The following MAPT variants were observed in gnomAD, a reference collection of about 807,000 sequenced individuals.
MAPT encodes microtubule associated protein tau, also known as microtubule-associated protein tau.
In MAPT, 34 loss-of-function variants were observed where a neutral mutation model predicts 67.9. The ratio of observed to expected loss-of-function variants is 0.50; its 90% confidence interval spans 0.38 to 0.67. The LOEUF is 0.67. Among genes scored for constraint, MAPT ranks in the 30% least tolerant of loss-of-function variants. MAPT has a pLI of 0.00. For synonymous variants in MAPT, 456 were observed against 464.5 expected (o/e 0.98, Z 0.23); for missense variants, 881 against 1,115.2 (o/e 0.79, Z 2.99).
chr17:45,999,374 C>T (rs531820946), intron 9 of MAPT: 3 of 1,614,060 alleles, frequency 1.9e-6, no homozygotes, highest in Admixed American at 3.3e-5. Context: ...GTTAATTTAA[C>T]TCAGCCTCTG....
At chr17:45,937,470 A>G (rs2067440756) in intron 1 of MAPT, among the ~76,000 whole-genome samples, 1 of 152,060 alleles carries the variant, frequency 6.6e-6, no homozygotes, top group South Asian at 2.1e-4. Flanking sequence ...GGGCACCTGT[A>G]GTCCTAGCTA....
chr17:45,990,170 T>G, intron 7 of MAPT, 95 bp downstream of exon 7: 1 of 1,119,426 alleles, frequency 8.9e-7, no homozygotes, highest in East Asian at 2.4e-5. Flanking sequence ...AAGACCTTTC[T>G]TCAAATGAGT....
Position 46,010,638 on chromosome 17 carries a change from C to T in MAPT, c.2091+236C>T, listed in dbSNP as rs1355540851. 6.6e-6 allele frequency among the ~76,000 whole-genome samples: 1 copy of T among 152,192 alleles called. No individual in the cohort carries two copies. Among genetic ancestry groups the T allele is most frequent in the African/African-American group, 2.4e-5 (1 of 41,456 alleles). On this transcript the variant is annotated intron_variant, in intron 10 of 12. Transcript: ENST00000262410. This position sits in a 1 kb window ranked among gnomAD's most constrained non-coding sequence, Gnocchi z 4.7. ...GGGGTGTCCCAGCATTTCTGGGTCC[C>T]CCAGCCTGCGCAGGCTGTGTGGACA...
chr17:45,937,615 G>T (rs62061723), intron 1 of MAPT, among the ~76,000 whole-genome samples: 21,239 of 148,094 alleles, frequency 0.14, 2,074 homozygotes, highest in Non-Finnish European at 0.22. Context: ...AAAAAAGAAA[G>T]GAGAGAGAGA....
chr17:45,990,685 A>AT (rs1260114129), intron 7 of MAPT, among the ~76,000 whole-genome samples: 2 of 152,156 alleles, frequency 1.3e-5, no homozygotes, highest in Admixed American at 6.5e-5. Context: ...ATGCTTCCAG[A>AT]TTGCCCTGAT....
At position 45,996,743 on chromosome 17, in the gene MAPT, G is replaced by A; in HGVS notation, c.1998+79G>A. The A allele has an allele frequency of 6.4e-7, 1 of 1,568,856 alleles. No individual in the cohort carries two copies. The highest frequency in any genetic ancestry group is 8.6e-7 in the Non-Finnish European group (1 of 1,156,430). On this transcript the variant is annotated intron_variant, in intron 9 of 12. Transcript: ENST00000262410. This position sits in a 1 kb window ranked among gnomAD's most constrained non-coding sequence, Gnocchi z 4.5. Reference sequence around the variant, plus strand: ...GGGCTGTGCCTGGAAGGGTAGGGCTGCGCCTGGAGGTGCGCGGTTGAGCGT... The same window carrying A: ...GGGCTGTGCCTGGAAGGGTAGGGCTACGCCTGGAGGTGCGCGGTTGAGCGT...
chr17:45,987,856 A>G (rs2073715515), intron 6 of MAPT, among the ~76,000 whole-genome samples: 2 of 152,214 alleles, frequency 1.3e-5, no homozygotes, highest in Admixed American at 1.3e-4. Context: ...CTCTGAAGTG[A>G]TAGTGACAGC....
chr17:45,940,714 C>A (rs555614814), intron 1 of MAPT, among the ~76,000 whole-genome samples: 1 of 152,086 alleles, frequency 6.6e-6, no homozygotes, highest in Non-Finnish European at 1.5e-5. Flanking sequence ...TGAGCAGGAC[C>A]CATTTGCCAA....
At chr17:45,924,416 C>T (rs2066067173) in intron 1 of MAPT, among the ~76,000 whole-genome samples, 1 of 152,348 alleles carries the variant, frequency 6.6e-6, no homozygotes, top group African/African-American at 2.4e-5. Flanking sequence ...TATTGGAGAG[C>T]GCTGGGCTAG....
chr17:45,993,828 G>C (rs753164420), intron 8 of MAPT: 59 of 1,306,016 alleles, frequency 4.5e-5, no homozygotes, highest in Non-Finnish European at 5.7e-5. Context: ...TGGGGCCCCT[G>C]CTGGGCCAGC....
chr17:45,962,205 G>C, intron 1 of MAPT, 116 bp from the exon 2 acceptor site: 1 of 822,240 alleles, frequency 1.2e-6, no homozygotes, highest in South Asian at 1.6e-5. Flanking sequence ...AGAGAGGGTA[G>C]CAGGGAGGCT....
chr17:45,992,158 G>A (rs2074110907), intron 8 of MAPT, among the ~76,000 whole-genome samples: 1 of 152,030 alleles, frequency 6.6e-6, no homozygotes. Context: ...TACAGAAAAA[G>A]GAAAAAAAAG....
At chr17:46,006,235 C>T (rs1223953651) in intron 9 of MAPT, among the ~76,000 whole-genome samples, 3 of 152,172 alleles carry the variant, frequency 2.0e-5, no homozygotes, top group African/African-American at 7.2e-5. Flanking sequence ...GGTGCATATA[C>T]ACAATGGAAT....
chr17:46,002,763 C>G (rs1568315220), intron 9 of MAPT, among the ~76,000 whole-genome samples: 2 of 152,112 alleles, frequency 1.3e-5, no homozygotes, highest in Non-Finnish European at 2.9e-5. Context: ...TGGGTGGCTG[C>G]TTCCTTCCCT....
chr17:45,909,200 G>GC (rs1238747296), intron 1 of MAPT, among the ~76,000 whole-genome samples: 2 of 151,946 alleles, frequency 1.3e-5, no homozygotes, highest in African/African-American at 4.8e-5. Flanking sequence ...AACACCCTGT[G>GC]CCCGGGGGAC....
intron 1 of MAPT, among the ~76,000 whole-genome samples, chr17:45,936,658 G>C (rs2067360265): frequency 6.6e-6 from 1 of 152,126 alleles, no homozygotes; most frequent in Admixed American, 6.5e-5. Context: ...GATTTAAAGT[G>C]ATCTTAACTG....
At chr17:45,951,788 G>A (rs1434643596) in intron 1 of MAPT, among the ~76,000 whole-genome samples, 1 of 152,042 alleles carries the variant, frequency 6.6e-6, no homozygotes, top group Non-Finnish European at 1.5e-5. Flanking sequence ...CCATTTTAGT[G>A]TCCAGGTTTC....
chr17:45,911,901 T>C (rs1310243950), intron 1 of MAPT, among the ~76,000 whole-genome samples: 1 of 152,228 alleles, frequency 6.6e-6, no homozygotes, highest in East Asian at 1.9e-4. Flanking sequence ...AGGTCTGTAT[T>C]TGGAGTTTTG....
At chr17:45,965,349 G>A (rs2070947853) in intron 2 of MAPT, among the ~76,000 whole-genome samples, 1 of 151,632 alleles carries the variant, frequency 6.6e-6, no homozygotes, top group Middle Eastern at 3.2e-3. Context: ...AGAATCACTT[G>A]AATCTGGGAA....
Sources: allele counts gnomAD v4.1 joint callset (sites outside exome capture counted in the v4.1 genomes callset), GRCh38; gene constraint gnomAD v4.1.1; non-coding constraint Gnocchi (gnomAD v3.1); transcripts MANE v1.5; gene names NCBI Gene and HGNC (gene_info 2026-07-23, HGNC 2026-07-21).